Variants in UGGT2 observed in about 807,000 individuals in gnomAD.
UGGT2 encodes UDP-glucose:glycoprotein glucosyltransferase 2.
Under a neutral mutation model 192.1 loss-of-function variants are expected in UGGT2, and 180 were observed. The observed-to-expected ratio is 0.94, with a 90% confidence interval of 0.83 to 1.06. UGGT2 has a LOEUF of 1.06. Among genes scored for constraint, UGGT2 ranks in the 50% least tolerant of loss-of-function variants. The pLI is 0.00. For synonymous variants in UGGT2, 580 were observed against 591.0 expected, an observed-to-expected ratio of 0.98 and a Z score of 0.27; for missense variants, 1,849 against 1,795.7, an observed-to-expected ratio of 1.03 and a Z score of -0.54.
At chr13:95,939,858 G>T (rs1045170425) in intron 16 of UGGT2, 99 bp downstream of exon 16, 2 of 1,007,270 alleles carry the variant, frequency 2.0e-6, no homozygotes, top group Middle Eastern at 3.1e-4. Flanking sequence ...CTGTTTCTGT[G>T]AGTCTGACTT....
chr13:95,811,867 A>G (rs1049738840), intron 38 of UGGT2, among the ~76,000 whole-genome samples: 5 of 152,170 alleles, frequency 3.3e-5, no homozygotes, highest in African/African-American at 9.6e-5. Context: ...AAATAAAGGG[A>G]GTATGGCTAA....
intron 38 of UGGT2, among the ~76,000 whole-genome samples, chr13:95,803,001 T>A (rs553822832): frequency 6.7e-6 from 1 of 150,166 alleles, no homozygotes; most frequent in Non-Finnish European, 1.5e-5. Context: ...GCCCGGCTAA[T>A]TTTTTTGTAT....
At chr13:95,905,452 C>T (rs983848833) in intron 20 of UGGT2, among the ~76,000 whole-genome samples, 4 of 151,976 alleles carry the variant, frequency 2.6e-5, no homozygotes, top group African/African-American at 9.7e-5. Context: ...AGTCTTTAAT[C>T]CATCTTCAAT....
At chr13:95,968,973 C>G (rs1413122449) in intron 12 of UGGT2, among the ~76,000 whole-genome samples, 2 of 152,122 alleles carry the variant, frequency 1.3e-5, no homozygotes, top group African/African-American at 4.8e-5. Context: ...TTGGAATGTT[C>G]TGATTGATAA....
chr13:95,896,361 A>C (rs937167324), intron 22 of UGGT2, among the ~76,000 whole-genome samples: 5 of 152,112 alleles, frequency 3.3e-5, no homozygotes, highest in African/African-American at 1.2e-4. Flanking sequence ...TAAATATAAA[A>C]CACGGGCTCT....
rs1566779351 is a variant in UGGT2, at chr13:95,972,672, C to T, written c.1093-1G>A. On this transcript the variant is annotated splice_acceptor_variant, in intron 10 of 38. Coordinates refer to ENST00000376747, the MANE Select transcript of UGGT2 (RefSeq NM_020121.4). LOFTEE classifies it high-confidence loss of function. ...GAATTTTAAATCTAACTTGAAGATCCTTGAAGTAGAGCAAAGCAATAGTTA... is the reference window on the plus strand; with the variant it reads ...GAATTTTAAATCTAACTTGAAGATCTTTGAAGTAGAGCAAAGCAATAGTTA... 2.4e-5 allele frequency: 39 copies of T among 1,612,224 alleles called. No individual in the cohort carries two copies. The highest frequency in any genetic ancestry group is 3.2e-5 in the Non-Finnish European group (38 of 1,178,614).
intron 21 of UGGT2, among the ~76,000 whole-genome samples, chr13:95,901,321 G>A (rs571372655): frequency 1.3e-5 from 2 of 152,046 alleles, no homozygotes; most frequent in African/African-American, 4.8e-5. Flanking sequence ...TGTTTAAAAT[G>A]GAAATACTCC....
intron 27 of UGGT2, among the ~76,000 whole-genome samples, chr13:95,879,563 G>C (rs1174471153): frequency 6.6e-6 from 1 of 152,196 alleles, no homozygotes; most frequent in Non-Finnish European, 1.5e-5. Flanking sequence ...AGTCTCCCGA[G>C]TAGCTAGGAT....
At chr13:95,952,267 G>A (rs1263560072) in intron 12 of UGGT2, among the ~76,000 whole-genome samples, 1 of 151,972 alleles carries the variant, frequency 6.6e-6, no homozygotes, top group Non-Finnish European at 1.5e-5. Flanking sequence ...GCTTTGCTAG[G>A]GTCCAAGATG....
intron 17 of UGGT2, among the ~76,000 whole-genome samples, chr13:95,931,564 G>A (rs1039325526): frequency 6.6e-6 from 1 of 151,984 alleles, no homozygotes; most frequent in Non-Finnish European, 1.5e-5. Flanking sequence ...GTGGGGGTGG[G>A]GGGGAGGCTC....
At chr13:96,028,704 A>AT (rs1594604270) in intron 2 of UGGT2, among the ~76,000 whole-genome samples, 2 of 152,182 alleles carry the variant, frequency 1.3e-5, no homozygotes, top group Non-Finnish European at 1.5e-5. Context: ...AATATTTACA[A>AT]TTTTTTTAGG....
intron 5 of UGGT2, among the ~76,000 whole-genome samples, chr13:96,001,556 A>AAAT (rs1812080609): frequency 6.6e-6 from 1 of 152,198 alleles, no homozygotes; most frequent in Non-Finnish European, 1.5e-5. Flanking sequence ...ATGAAACTCT[A>AAAT]AATAATAACT....
chr13:95,981,201 AC>A lies in UGGT2; in HGVS notation c.1092+2602del. On this transcript the variant is annotated intron_variant, in intron 10 of 38. Coordinates refer to ENST00000376747, the MANE Select transcript of UGGT2 (RefSeq NM_020121.4). ...TTTTGTTGGCCGGGCGCGGTGGCTC[AC>A]GCCTGTAATCCCAGCACTTTGGGAG... Among the ~76,000 whole-genome samples the A allele has an allele frequency of 9.0e-3, 4 of 446 alleles. 2 individuals carry two copies. The highest frequency in any genetic ancestry group is 1 in the Middle Eastern group (2 of 2). The allele number at this position is 446 out of a possible 152,430, so 0.3% of individuals were successfully genotyped here.
intron 5 of UGGT2, among the ~76,000 whole-genome samples, chr13:96,008,071 A>G (rs1566819248): frequency 6.6e-6 from 1 of 152,242 alleles, no homozygotes; most frequent in Non-Finnish European, 1.5e-5. Flanking sequence ...AAGACCCAAA[A>G]CTATGAAACG....
rs2048092525 is a variant in UGGT2, at chr13:95,901,059, G to A, written c.2503-121C>T. 3 of 749,268 alleles carry A rather than the reference G, an allele frequency of 4.0e-6. No homozygotes were observed. The South Asian group carries it at 1.6e-4, about 40-fold the overall frequency. The allele number at this position is 749,268 out of a possible 1,614,324, so 46.4% of individuals were successfully genotyped here. A position where few individuals can be genotyped will look rare whatever the true frequency, so the allele number is the denominator to read the frequency against. ...ATAATACTTTCAAAATCATTATTTG[G>A]TATAATTTTCTTTGAAAGAACATTT... is the stretch of plus-strand genomic sequence containing the variant. On this transcript the variant is annotated intron_variant, in intron 21 of 38. Coordinates refer to ENST00000376747, the MANE Select transcript of UGGT2 (RefSeq NM_020121.4).
intron 18 of UGGT2, 22 bp downstream of exon 18, chr13:95,927,191 G>C (rs111375453): frequency 6.2e-7 from 1 of 1,609,518 alleles, no homozygotes; most frequent in Admixed American, 1.7e-5. Flanking sequence ...AACATTTGTA[G>C]AACAGTATAG....
intron 2 of UGGT2, among the ~76,000 whole-genome samples, chr13:96,024,345 A>C (rs867119782): frequency 3.3e-5 from 5 of 152,186 alleles, no homozygotes; most frequent in East Asian, 1.9e-4. Context: ...ATAAAGGAGA[A>C]GGAGGGATCC....
At chr13:95,860,919 T>C in intron 31 of UGGT2, 36 bp from the exon 32 acceptor site, 2 of 1,365,916 alleles carry the variant, frequency 1.5e-6, no homozygotes, top group Non-Finnish European at 2.0e-6. Flanking sequence ...TTCTTAAACA[T>C]ACATATGGAA....
intron 4 of UGGT2, among the ~76,000 whole-genome samples, chr13:96,018,715 T>A: frequency 6.7e-6 from 1 of 149,006 alleles, no homozygotes; most frequent in South Asian, 2.1e-4. Context: ...AAGGCAACAT[T>A]GATGACCTAA....
Sources: gnomAD v4.1 joint callset for allele counts (sites outside exome capture counted in the v4.1 genomes callset) on GRCh38, gnomAD v4.1.1 for gene constraint, MANE v1.5 for transcripts, NCBI Gene and HGNC (gene_info 2026-07-23, HGNC 2026-07-21) for gene names.